The following MIS18A variants were observed in gnomAD, a reference collection of about 807,000 sequenced individuals.
The protein encoded by MIS18A is MIS18 kinetochore protein A, also known as protein Mis18-alpha.
In MIS18A, 14 loss-of-function variants were observed where a neutral mutation model predicts 25.0. The ratio of observed to expected loss-of-function variants is 0.56; its 90% CI spans 0.37 to 0.88. The LOEUF (loss-of-function observed/expected upper bound fraction) is 0.88. Ranked by LOEUF, MIS18A falls within the 40% of genes least tolerant of loss-of-function variation. The pLI, the probability that MIS18A is intolerant of heterozygous loss-of-function variation, is 0.00. For missense variants in MIS18A, 292 were observed against 290.8 expected (o/e 1.00, Z -0.03); for synonymous variants, 134 against 118.6 (o/e 1.13, Z -0.84).
chr21:32,269,871 G>A (rs1175110599), intron 3 of MIS18A, 68 bp from the exon 4 acceptor site: 6 of 971,230 alleles, frequency 6.2e-6, no homozygotes, highest in East Asian at 4.9e-5. Context: ...CAGCTATTCA[G>A]GAGGCTGAGA....
At chr21:32,245,387 C>T in the MIS18A span, among the ~76,000 whole-genome samples, 302 of 152,276 alleles carry the variant, frequency 2.0e-3, 3 homozygotes, top group Non-Finnish European at 1.3e-4. Context: ...TCCAAGATGC[C>T]GAAATAGATA....
chr21:32,231,916 CA>C, the MIS18A span, among the ~76,000 whole-genome samples: 1 of 151,950 alleles, frequency 6.6e-6, no homozygotes, highest in African/African-American at 2.4e-5. Flanking sequence ...CGTCTCAAAA[CA>C]AAACAAAACA....
chr21:32,278,663 C>A lies in MIS18A; in HGVS notation c.334+18G>T. ...AAGGCGACCCCACGCCCCCCCTGCC[C>A]GGCTCGACCCAACTGACAGCGAAGC... On this transcript the variant is annotated intron_variant, in intron 1 of 4. Transcript: ENST00000290130. 6.7e-7 allele frequency: 1 copy of A among 1,502,154 alleles called. No individual in the cohort carries two copies. The highest frequency in any genetic ancestry group is 2.1e-5 in the Admixed American group (1 of 47,752). 93.1% of individuals were successfully genotyped at this position (1,502,154 alleles called of 1,614,324 possible). A position where few individuals can be genotyped will look rare whatever the true frequency, so the allele number is the denominator to read the frequency against.
At chr21:32,236,024 A>G in the MIS18A span, among the ~76,000 whole-genome samples, 1 of 152,096 alleles carries the variant, frequency 6.6e-6, no homozygotes, top group Admixed American at 6.5e-5. Flanking sequence ...TACTAAATAT[A>G]ACCTGGCCTT....
the MIS18A span, among the ~76,000 whole-genome samples, chr21:32,236,427 G>A: frequency 6.6e-6 from 1 of 151,548 alleles, no homozygotes; most frequent in African/African-American, 2.4e-5. Flanking sequence ...AAATGTGTAT[G>A]TGAGACTGAT....
At chr21:32,161,882 T>C in the MIS18A span, among the ~76,000 whole-genome samples, 2 of 151,938 alleles carry the variant, frequency 1.3e-5, no homozygotes, top group Non-Finnish European at 2.9e-5. Flanking sequence ...TTGAAAGATA[T>C]CTTGCTCATC....
chr21:32,179,685 C>A, the MIS18A span, among the ~76,000 whole-genome samples: 4 of 152,144 alleles, frequency 2.6e-5, no homozygotes, highest in African/African-American at 9.7e-5. Flanking sequence ...TCAATATCAC[C>A]AATTTTATTG....
the MIS18A span, among the ~76,000 whole-genome samples, chr21:32,220,856 C>T: frequency 2.0e-5 from 3 of 151,542 alleles, no homozygotes; most frequent in South Asian, 4.2e-4. Context: ...ATAGCTGAAT[C>T]GATCAAGCAG....
the MIS18A span, among the ~76,000 whole-genome samples, chr21:32,200,574 C>T: frequency 6.6e-6 from 1 of 152,028 alleles, no homozygotes; most frequent in South Asian, 2.1e-4. Flanking sequence ...GCTGGGACTA[C>T]AGGCATCTGC....
chr21:32,179,883 T>G, the MIS18A span, among the ~76,000 whole-genome samples: 4 of 152,218 alleles, frequency 2.6e-5, no homozygotes, highest in Non-Finnish European at 1.5e-5. Flanking sequence ...GCATACAATG[T>G]TCCAGTAATG....
At chr21:32,274,391 G>C (rs2031771681) in intron 2 of MIS18A, among the ~76,000 whole-genome samples, 1 of 151,914 alleles carries the variant, frequency 6.6e-6, no homozygotes. Flanking sequence ...TTTTAGTGGA[G>C]ACGGGGTTTT....
chr21:32,155,060 G>C, the MIS18A span, among the ~76,000 whole-genome samples: 1 of 152,000 alleles, frequency 6.6e-6, no homozygotes, highest in East Asian at 1.9e-4. Context: ...TGGATAGATA[G>C]GTTTATTTTT....
At chr21:32,174,794 A>G in the MIS18A span, among the ~76,000 whole-genome samples, 2 of 152,182 alleles carry the variant, frequency 1.3e-5, no homozygotes, top group Admixed American at 6.5e-5. Context: ...TACTGGGAAC[A>G]TAATATTCAA....
At chr21:32,247,125 G>C in the MIS18A span, among the ~76,000 whole-genome samples, 2 of 152,180 alleles carry the variant, frequency 1.3e-5, no homozygotes, top group African/African-American at 2.4e-5. Flanking sequence ...GCAAGATTTA[G>C]AATCACTGAA....
intron 2 of MIS18A, among the ~76,000 whole-genome samples, chr21:32,274,263 C>G (rs9979494): frequency 1 from 143,717 of 143,718 alleles, 71,858 homozygotes; most frequent in Middle Eastern, 1. Flanking sequence ...CTGCAGTGCA[C>G]TGGCGATCTT....
the MIS18A span, among the ~76,000 whole-genome samples, chr21:32,251,892 CCT>C: frequency 2.6e-5 from 4 of 152,110 alleles, no homozygotes; most frequent in Admixed American, 2.6e-4. Context: ...ATGCTACAGT[CCT>C]CTCTTTGGAC....
At chr21:32,188,409 C>T in the MIS18A span, among the ~76,000 whole-genome samples, 3 of 152,240 alleles carry the variant, frequency 2.0e-5, no homozygotes, top group Non-Finnish European at 2.9e-5. Context: ...TGGCAAGTTA[C>T]ATTGCAAGAG....
At chr21:32,204,646 T>C in the MIS18A span, among the ~76,000 whole-genome samples, 29 of 152,164 alleles carry the variant, frequency 1.9e-4, no homozygotes, top group South Asian at 2.1e-4. Flanking sequence ...GGTTCATGCC[T>C]GTAATCCCAC....
chr21:32,258,480 G>A, the MIS18A span, among the ~76,000 whole-genome samples: 2 of 152,158 alleles, frequency 1.3e-5, no homozygotes, highest in Non-Finnish European at 2.9e-5. Context: ...GTTTCCCACT[G>A]TGGTTGTGAA....
Sources: allele counts gnomAD v4.1 joint callset (sites outside exome capture counted in the v4.1 genomes callset), GRCh38; gene constraint gnomAD v4.1.1; transcripts MANE v1.5; gene names NCBI Gene and HGNC (gene_info 2026-07-23, HGNC 2026-07-21).